CNTN4: variants seen among roughly 807,000 people sequenced by gnomAD.
The protein encoded by CNTN4 is contactin 4, also known as contactin-4.
Under a neutral mutation model 122.5 loss-of-function variants are expected in CNTN4, and 77 were observed. The ratio of observed to expected loss-of-function variants is 0.63; its 90% CI spans 0.52 to 0.76. The LOEUF (loss-of-function observed/expected upper bound fraction) is 0.76. CNTN4 is among the 30% of genes least tolerant of loss of function. The pLI, the probability that CNTN4 is intolerant of heterozygous loss-of-function variation, is 0.00. For synonymous variants in CNTN4, 512 were observed against 447.0 expected, an observed-to-expected ratio of 1.15 and a Z score of -1.83; for missense variants, 1,256 against 1,259.1, an observed-to-expected ratio of 1.00 and a Z score of 0.04.
intron 3 of CNTN4, among the ~76,000 whole-genome samples, chr3:2,561,572 T>C (rs1273394657): frequency 6.6e-6 from 1 of 152,082 alleles, no homozygotes; most frequent in African/African-American, 2.4e-5. Context: ...TGCTTGCCCC[T>C]CTTGTTTTTT....
At chr3:2,328,333 G>A (rs1301045135) in intron 2 of CNTN4, among the ~76,000 whole-genome samples, 19 of 150,612 alleles carry the variant, frequency 1.3e-4, no homozygotes, top group Non-Finnish European at 2.5e-4. Context: ...GGGAACCCGG[G>A]AGGCGGAGCT....
At chr3:2,912,378 A>G (rs144407130) in intron 12 of CNTN4, among the ~76,000 whole-genome samples, 496 of 152,354 alleles carry the variant, frequency 3.3e-3, no homozygotes, top group Non-Finnish European at 5.2e-3. Context: ...ACTTTCCCAG[A>G]TAAACAAAAG....
At chr3:2,740,871 A>T (rs1166024871) in intron 5 of CNTN4, among the ~76,000 whole-genome samples, 1 of 152,232 alleles carries the variant, frequency 6.6e-6, no homozygotes, top group Non-Finnish European at 1.5e-5. Flanking sequence ...TTTACTTTAC[A>T]TGCTCATTTA....
intron 3 of CNTN4, among the ~76,000 whole-genome samples, chr3:2,347,338 C>A: frequency 7.8e-6 from 1 of 128,108 alleles, no homozygotes; most frequent in East Asian, 2.0e-4. Flanking sequence ...AATTGACACA[C>A]GTCATTTTTC....
intron 6 of CNTN4, among the ~76,000 whole-genome samples, chr3:2,806,278 C>T (rs1450788339): frequency 5.3e-5 from 8 of 152,186 alleles, no homozygotes; most frequent in Middle Eastern, 3.2e-3. Context: ...TTTCTTTACA[C>T]CTTACAGTAG....
At chr3:2,134,620 C>A (rs1278305116) in intron 2 of CNTN4, among the ~76,000 whole-genome samples, 1 of 152,142 alleles carries the variant, frequency 6.6e-6, no homozygotes, top group Non-Finnish European at 1.5e-5. Context: ...TCTCCAGGGG[C>A]TATTTGACAA....
chr3:3,001,646 G>C (rs373531997), intron 14 of CNTN4, among the ~76,000 whole-genome samples: 16 of 152,200 alleles, frequency 1.1e-4, no homozygotes, highest in African/African-American at 3.6e-4. Context: ...ACATGCTTAG[G>C]ATACTGCCAC....
chr3:2,747,286 G>T (rs369470808), intron 6 of CNTN4, among the ~76,000 whole-genome samples: 2,071 of 151,376 alleles, frequency 0.014, 57 homozygotes, highest in African/African-American at 0.048. Flanking sequence ...GCAGGTGCCT[G>T]TAGTCCCAGC....
At chr3:2,356,069 G>C (rs1169315239) in intron 3 of CNTN4, among the ~76,000 whole-genome samples, 3 of 152,076 alleles carry the variant, frequency 2.0e-5, no homozygotes, top group Admixed American at 2.0e-4. Flanking sequence ...ATCCAATACA[G>C]GTATTGGTGT....
chr3:2,406,388 A>G (rs1284955617), intron 3 of CNTN4, among the ~76,000 whole-genome samples: 1 of 152,218 alleles, frequency 6.6e-6, no homozygotes, highest in Non-Finnish European at 1.5e-5. Context: ...CCTAACATGA[A>G]GGACACTCTA....
rs1352228072 is a variant in CNTN4 at position 2,883,156 on chromosome 3, G to A, written c.664G>A (p.Glu222Lys). The change falls in exon 9 of 25, where the codon GAA becomes AAA. Residue 222 changes from glutamate to lysine, a missense_variant. Transcript: ENST00000418658. The stretch of plus-strand genomic sequence containing the variant: ...TTATTTATTCACAGGAGTGATGGGT[G>A]AATATGAGCCCAAAATAGAAGTGCA... Reference protein sequence around the residue: ...LILRNDGVMGEYEPKIEVQFP... With the variant: ...LILRNDGVMGKYEPKIEVQFP... The A allele has an allele frequency of 1.9e-6, 3 of 1,612,852 alleles. No individual in the cohort carries two copies. Among genetic ancestry groups the A allele is most frequent in the Non-Finnish European group, 2.5e-6 (3 of 1,179,020 alleles).
chr3:2,569,703 C>T (rs2079335234), intron 3 of CNTN4, among the ~76,000 whole-genome samples: 1 of 151,980 alleles, frequency 6.6e-6, no homozygotes, highest in African/African-American at 2.4e-5. Context: ...CCTAGGACCA[C>T]ATAACAAGTT....
intron 4 of CNTN4, among the ~76,000 whole-genome samples, chr3:2,666,836 C>T (rs866381278): frequency 2.7e-5 from 4 of 148,980 alleles, no homozygotes; most frequent in East Asian, 4.0e-4. Context: ...TGCGAACACA[C>T]GGTGTTTGGT....
intron 2 of CNTN4, among the ~76,000 whole-genome samples, chr3:2,304,409 AT>A (rs1473805164): frequency 1.3e-5 from 2 of 152,138 alleles, no homozygotes; most frequent in African/African-American, 2.4e-5. Context: ...AATCTACACC[AT>A]TTACATTCTA....
chr3:2,466,800 TATGGTA>T (rs1184512890), intron 3 of CNTN4, among the ~76,000 whole-genome samples: 2 of 152,204 alleles, frequency 1.3e-5, no homozygotes, highest in Non-Finnish European at 2.9e-5. Context: ...ATAGCTCTTT[TATGGTA>T]ATGGTAATTT....
intron 4 of CNTN4, among the ~76,000 whole-genome samples, chr3:2,722,486 AG>A (rs1419170644): frequency 6.6e-6 from 1 of 152,176 alleles, no homozygotes; most frequent in African/African-American, 2.4e-5. Flanking sequence ...CTGTGGCTAG[AG>A]GTGTATGGGA....
At chr3:2,523,207 AT>A (rs2077281153) in intron 3 of CNTN4, among the ~76,000 whole-genome samples, 1 of 151,826 alleles carries the variant, frequency 6.6e-6, no homozygotes, top group Admixed American at 6.6e-5. Context: ...TTGTTTCTTT[AT>A]TTTTCACCCT....
chr3:2,174,452 G>A (rs1389765913), intron 2 of CNTN4, among the ~76,000 whole-genome samples: 3 of 152,118 alleles, frequency 2.0e-5, no homozygotes, highest in Non-Finnish European at 2.9e-5. Flanking sequence ...TCTGGTGAGG[G>A]CCCACTTCTG....
intron 3 of CNTN4, among the ~76,000 whole-genome samples, chr3:2,530,794 C>T (rs17621371): frequency 0.12 from 18,522 of 152,150 alleles, 1,360 homozygotes; most frequent in Non-Finnish European, 0.17. Context: ...CTCCCGTGAT[C>T]TAAGAAATGT....
Sources: gnomAD v4.1 joint callset for allele counts (sites outside exome capture counted in the v4.1 genomes callset) on GRCh38, gnomAD v4.1.1 for gene constraint, MANE v1.5 for transcripts, NCBI Gene and HGNC (gene_info 2026-07-23, HGNC 2026-07-21) for gene names.